UNC5C: variants seen among roughly 807,000 people sequenced by gnomAD.
UNC5C encodes the protein netrin receptor UNC5C.
Under a neutral mutation model 99.8 loss-of-function variants are expected in UNC5C, and 47 were observed. The observed-to-expected ratio is 0.47, with a 90% confidence interval of 0.37 to 0.60. The LOEUF is 0.60. Ranked by LOEUF, UNC5C falls within the 20% of genes least tolerant of loss-of-function variation. UNC5C has a pLI of 0.00. For synonymous variants in UNC5C, 487 were observed against 452.2 expected (o/e 1.08, Z -0.98); for missense variants, 1,062 against 1,165.9 (o/e 0.91, Z 1.30).
At chr4:95,479,583 G>A (rs1433565008) in intron 1 of UNC5C, among the ~76,000 whole-genome samples, 1 of 151,922 alleles carries the variant, frequency 6.6e-6, no homozygotes, top group Admixed American at 6.6e-5. Flanking sequence ...ATAGTACCCA[G>A]TGGAAGATCC....
At chr4:95,353,628 C>A (rs542480053) in intron 1 of UNC5C, among the ~76,000 whole-genome samples, 2 of 151,240 alleles carry the variant, frequency 1.3e-5, no homozygotes, top group East Asian at 3.9e-4. Flanking sequence ...AAACTGAAAA[C>A]AAGAATTAAA....
chr4:95,188,739 G>A (rs1474412350), intron 12 of UNC5C, among the ~76,000 whole-genome samples: 1 of 152,148 alleles, frequency 6.6e-6, no homozygotes, highest in Non-Finnish European at 1.5e-5. Flanking sequence ...ACAGTTCAAT[G>A]TTTTCCTCTG....
chr4:95,356,224 A>AAAAAAAAAAAAAAAAC (rs1560801873), intron 1 of UNC5C, among the ~76,000 whole-genome samples: 3 of 127,560 alleles, frequency 2.4e-5, no homozygotes, highest in African/African-American at 6.5e-5. Flanking sequence ...AAAACAAAAA[A>AAAAAAAAAAAAAAAAC]AAAACAGATT....
intron 1 of UNC5C, among the ~76,000 whole-genome samples, chr4:95,501,738 T>C (rs1441818272): frequency 6.6e-6 from 1 of 152,128 alleles, no homozygotes; most frequent in African/African-American, 2.4e-5. Context: ...AAGGATTCTT[T>C]TGTCTGTTAT....
intron 7 of UNC5C, 55 bp from the exon 8 acceptor site, chr4:95,220,231 C>G (rs918783281): frequency 6.7e-7 from 1 of 1,498,838 alleles, no homozygotes; most frequent in African/African-American, 1.4e-5. Flanking sequence ...TCCCACAGTA[C>G]ACATATGTAT....
In UNC5C at chr4:95,336,473, A is replaced by C. The variant is rs78826779; in HGVS notation, c.125-842T>G. Reference sequence around the variant, plus strand: ...ATTAAAATTTTTTTACAAGTTCTTTAAATGTACGTATATTCAGTAGTAAAT... The same window carrying C: ...ATTAAAATTTTTTTACAAGTTCTTTCAATGTACGTATATTCAGTAGTAAAT... On this transcript the variant is annotated intron_variant, in intron 1 of 15. Transcript: ENST00000453304. Among the ~76,000 whole-genome samples the C allele has an allele frequency of 3.0e-4, 46 of 152,012 alleles. No homozygotes were observed. The East Asian group carries it at 8.7e-3, about 29-fold the overall frequency.
chr4:95,438,754 A>G (rs1156735708), intron 1 of UNC5C, among the ~76,000 whole-genome samples: 1 of 152,192 alleles, frequency 6.6e-6, no homozygotes, highest in Non-Finnish European at 1.5e-5. Flanking sequence ...CACACATTCT[A>G]TGAAATGTAC....
At chr4:95,194,875 A>G (rs917315328) in intron 12 of UNC5C, among the ~76,000 whole-genome samples, 3 of 152,094 alleles carry the variant, frequency 2.0e-5, no homozygotes, top group African/African-American at 7.2e-5. Context: ...TCTCTCTTTC[A>G]AAAAGTAAGT....
chr4:95,266,284 G>A (rs1014271214), intron 4 of UNC5C, among the ~76,000 whole-genome samples: 1 of 152,094 alleles, frequency 6.6e-6, no homozygotes, highest in Admixed American at 6.6e-5. Context: ...TTCTACATGG[G>A]GACCAATTCC....
intron 2 of UNC5C, among the ~76,000 whole-genome samples, chr4:95,307,728 A>T (rs552230309): frequency 6.6e-6 from 1 of 152,226 alleles, no homozygotes; most frequent in African/African-American, 2.4e-5. Flanking sequence ...TCAACAAAAT[A>T]CTAACAAACC....
intron 3 of UNC5C, among the ~76,000 whole-genome samples, chr4:95,280,124 G>A (rs1049990819): frequency 8.5e-5 from 13 of 152,118 alleles, no homozygotes; most frequent in Middle Eastern, 3.4e-3. Context: ...TCAGCCCAGG[G>A]GTTGTGACCC....
intron 1 of UNC5C, among the ~76,000 whole-genome samples, chr4:95,417,148 A>G (rs1359144357): frequency 1.3e-5 from 2 of 152,216 alleles, no homozygotes; most frequent in African/African-American, 2.4e-5. Flanking sequence ...GCTCTTACAT[A>G]TATTTTTAAT....
Position 95,384,474 on chromosome 4 carries a change from A to G in UNC5C, c.125-48843T>C, listed in dbSNP as rs551204324. On this transcript the variant is annotated intron_variant, in intron 1 of 15. Coordinates refer to ENST00000453304, the MANE Select transcript of UNC5C (RefSeq NM_003728.4). The stretch of plus-strand genomic sequence containing the variant: ...TGTGTCCAGGGCACTCTAAACACTC[A>G]CCACGTTCCAGGAGGGGGCTGAGCA... Among the ~76,000 whole-genome samples the G allele has an allele frequency of 3.4e-4, 52 of 152,256 alleles. No individual in the cohort carries two copies. The South Asian group carries it at 9.9e-3, about 29-fold the overall frequency.
intron 1 of UNC5C, among the ~76,000 whole-genome samples, chr4:95,420,656 G>A (rs190741661): frequency 6.1e-4 from 93 of 152,050 alleles, no homozygotes; most frequent in African/African-American, 2.0e-3. Flanking sequence ...CAATTTCAAC[G>A]AAAAACTGGT....
intron 1 of UNC5C, among the ~76,000 whole-genome samples, chr4:95,542,530 G>GT (rs1722945370): frequency 6.6e-6 from 1 of 152,052 alleles, no homozygotes; most frequent in African/African-American, 2.4e-5. Context: ...CATGTAGAAG[G>GT]GGAGGTATGT....
chr4:95,532,841 A>C (rs1722685733), intron 1 of UNC5C, among the ~76,000 whole-genome samples: 1 of 151,928 alleles, frequency 6.6e-6, no homozygotes, highest in South Asian at 2.1e-4. Context: ...AGAGGGTAGC[A>C]CAAATACTCC....
chr4:95,317,368 A>G (rs1419820859), intron 2 of UNC5C, among the ~76,000 whole-genome samples: 1 of 152,178 alleles, frequency 6.6e-6, no homozygotes, highest in Non-Finnish European at 1.5e-5. Flanking sequence ...GCCAACTGAG[A>G]GCGGCTGCAT....
intron 1 of UNC5C, among the ~76,000 whole-genome samples, chr4:95,490,288 G>A (rs1217156535): frequency 6.6e-6 from 1 of 151,644 alleles, no homozygotes; most frequent in African/African-American, 2.4e-5. Context: ...GCATTAAAAA[G>A]TGACAACTCT....
intron 1 of UNC5C, among the ~76,000 whole-genome samples, chr4:95,505,689 A>T (rs2149485674): frequency 6.6e-6 from 1 of 152,190 alleles, no homozygotes; most frequent in Non-Finnish European, 1.5e-5. Flanking sequence ...CTCCATAAGA[A>T]TTTATCACTT....
Sources: allele counts gnomAD v4.1 joint callset (sites outside exome capture counted in the v4.1 genomes callset), GRCh38; gene constraint gnomAD v4.1.1; transcripts MANE v1.5; gene names NCBI Gene and HGNC (gene_info 2026-07-23, HGNC 2026-07-21).